ABLIM2: variants seen among roughly 807,000 people sequenced by gnomAD.
The protein encoded by ABLIM2 is actin binding LIM protein family member 2.
Under a neutral mutation model 97.7 loss-of-function variants are expected in ABLIM2, and 53 were observed. That is an observed-to-expected ratio of 0.54 (90% CI 0.44 to 0.68). The LOEUF is 0.68. ABLIM2 is among the 30% of genes least tolerant of loss of function. The probability of loss-of-function intolerance (pLI) is 0.00; values close to 1 mark genes in which losing one functional copy is unlikely to be tolerated. For synonymous variants in ABLIM2, 361 were observed against 345.8 expected (o/e 1.04, Z -0.49); for missense variants, 835 against 867.2 (o/e 0.96, Z 0.47).
intron 14 of ABLIM2, among the ~76,000 whole-genome samples, chr4:8,012,124 C>T (rs997701659): frequency 5.3e-5 from 8 of 150,784 alleles, no homozygotes; most frequent in African/African-American, 2.0e-4. Context: ...CCATCCTTCA[C>T]CCATCCATCC....
chr4:7,990,982 T>C (rs190405618), intron 17 of ABLIM2, among the ~76,000 whole-genome samples: 217 of 152,354 alleles, frequency 1.4e-3, no homozygotes, highest in Non-Finnish European at 1.9e-3. Flanking sequence ...GTTCTGCGCA[T>C]ATCAGCTCTC....
At chr4:7,993,716 T>A (rs1750796770) in intron 16 of ABLIM2, among the ~76,000 whole-genome samples, 1 of 152,074 alleles carries the variant, frequency 6.6e-6, no homozygotes, top group Admixed American at 6.6e-5. Context: ...TGCTTGCAAT[T>A]GGGGGGCTTC....
At chr4:8,090,940 G>T (rs1038360451) in intron 3 of ABLIM2, among the ~76,000 whole-genome samples, 4 of 152,124 alleles carry the variant, frequency 2.6e-5, no homozygotes, top group Non-Finnish European at 4.4e-5. Context: ...TGTTAAGCAC[G>T]GTTGCCAACC....
rs553373756 is a variant in ABLIM2 at position 8,061,708 on chromosome 4, C to T, written c.676-654G>A. 2.0e-5 allele frequency among the ~76,000 whole-genome samples: 3 copies of T among 151,806 alleles called. No individual in the cohort carries two copies. The highest frequency in any genetic ancestry group is 1.3e-4 in the Admixed American group (2 of 15,272). On this transcript the variant is annotated intron_variant, in intron 6 of 20. Coordinates refer to ENST00000447017, the MANE Select transcript of ABLIM2 (RefSeq NM_001130083.2). The surrounding 1 kb of genome is among the most constrained non-coding windows in gnomAD (Gnocchi z 4.5). ...CCCTTTACCCCCACGTTCCAGCACA[C>T]ACTTCCTACCCTGAGGGCACGGCGG...
At chr4:8,117,022 A>C (rs1184737206) in intron 1 of ABLIM2, among the ~76,000 whole-genome samples, 1 of 152,268 alleles carries the variant, frequency 6.6e-6, no homozygotes, top group African/African-American at 2.4e-5. Context: ...CCATCTCTGC[A>C]CAGCCTGGCT....
At chr4:8,036,352 A>G (rs1784453152) in intron 9 of ABLIM2, 57 bp from the exon 10 acceptor site, 6 of 1,587,696 alleles carry the variant, frequency 3.8e-6, no homozygotes, top group Middle Eastern at 1.7e-4. Flanking sequence ...CCCAGAGGGC[A>G]GCACCCCCAA....
chr4:8,137,986 TAA>T (rs953027572), intron 1 of ABLIM2, among the ~76,000 whole-genome samples: 2 of 152,128 alleles, frequency 1.3e-5, no homozygotes, highest in Non-Finnish European at 2.9e-5. Flanking sequence ...TATTCAGCCT[TAA>T]AAAGGAGAGG....
intron 1 of ABLIM2, among the ~76,000 whole-genome samples, chr4:8,143,221 C>T (rs1452104974): frequency 5.3e-5 from 8 of 151,608 alleles, no homozygotes; most frequent in Non-Finnish European, 8.8e-5. Context: ...CACAGCGTCC[C>T]AGGCTGAGGC....
intron 4 of ABLIM2, among the ~76,000 whole-genome samples, chr4:8,084,338 G>A (rs913984717): frequency 1.3e-5 from 2 of 152,136 alleles, no homozygotes; most frequent in African/African-American, 4.8e-5. Flanking sequence ...GGGTTCTCCT[G>A]TTTCCTAGGC....
In ABLIM2 at chr4:8,002,011, G is replaced by A. The variant is rs1200960511; in HGVS notation, c.1618+6048C>T. Among the ~76,000 whole-genome samples the A allele has an allele frequency of 6.6e-6, 1 of 152,206 alleles. No individual in the cohort carries two copies. On this transcript the variant is annotated intron_variant, in intron 16 of 20. Transcript: ENST00000447017. The surrounding 1 kb of genome is among the most constrained non-coding windows in gnomAD (Gnocchi z 6.1). ...GGAGGACACTGACAAAGAGTAGGCT[G>A]GGGGCCAGGCAGGAGATCACACCTG...
chr4:8,128,162 C>T lies in ABLIM2; in HGVS notation c.11-21525G>A, dbSNP rs1011466930. Among the ~76,000 whole-genome samples the T allele has an allele frequency of 4.6e-5, 7 of 152,278 alleles. No individual in the cohort carries two copies. The highest frequency in any genetic ancestry group is 6.5e-5 in the Admixed American group (1 of 15,302). ...GGCTTCAGGGCTCCTGTTTCTGCCC[C>T]CACCTTCACAGGCCGTCTTCCCTGT... is the stretch of plus-strand genomic sequence containing the variant. On this transcript the variant is annotated intron_variant, in intron 1 of 20. Coordinates refer to ENST00000447017, the MANE Select transcript of ABLIM2 (RefSeq NM_001130083.2). This position sits in a 1 kb window ranked among gnomAD's most constrained non-coding sequence, Gnocchi z 4.9.
chr4:8,133,302 T>G (rs1274475260), intron 1 of ABLIM2, among the ~76,000 whole-genome samples: 1 of 152,208 alleles, frequency 6.6e-6, no homozygotes, highest in Non-Finnish European at 1.5e-5. Context: ...GGGAATGCAA[T>G]TCAACCCACA....
Position 8,083,057 on chromosome 4 carries a change from G to A in ABLIM2, c.455-2255C>T, listed in dbSNP as rs1449098252. Among the ~76,000 whole-genome samples, 1 of 152,192 alleles carries A rather than the reference G, an allele frequency of 6.6e-6. No individual in the cohort carries two copies. Among genetic ancestry groups the A allele is most frequent in the Non-Finnish European group, 1.5e-5 (1 of 68,036 alleles). ...AGGCATCTAGTGGGCAGTGGACACA[G>A]GATGCTAACCGTGCCAGGACAGCCG... On this transcript the variant is annotated intron_variant, in intron 4 of 20. Coordinates refer to ENST00000447017, the MANE Select transcript of ABLIM2 (RefSeq NM_001130083.2). This position sits in a 1 kb window ranked among gnomAD's most constrained non-coding sequence, Gnocchi z 4.6.
At chr4:8,138,968 G>T (rs190079537) in intron 1 of ABLIM2, among the ~76,000 whole-genome samples, 52 of 152,216 alleles carry the variant, frequency 3.4e-4, no homozygotes, top group Non-Finnish European at 6.0e-4. Flanking sequence ...AGGCCTAGGT[G>T]GGTGGATCAC....
chr4:8,154,266 A>C (rs375317594), intron 1 of ABLIM2, among the ~76,000 whole-genome samples: 50 of 126,516 alleles, frequency 4.0e-4, no homozygotes, highest in Middle Eastern at 5.0e-3. Context: ...CCAGCCACTT[A>C]TTTTCTTTTC....
intron 2 of ABLIM2, among the ~76,000 whole-genome samples, chr4:8,105,789 C>T (rs1837071226): frequency 6.6e-6 from 1 of 152,238 alleles, no homozygotes; most frequent in Non-Finnish European, 1.5e-5. Flanking sequence ...ATTTGCACAT[C>T]CCTTCCTCCA....
At position 8,090,914 on chromosome 4, in the gene ABLIM2, CTG is replaced by C. The variant is rs547621873; in HGVS notation, c.339-2632_339-2631del. ...CTTCTGGGCTGTTTCCAGTTTGGGA[CTG>C]TTACAAATAAAGCTGTTAAGCACGG... On this transcript the variant is annotated intron_variant, in intron 3 of 20. Transcript: ENST00000447017. Among the ~76,000 whole-genome samples, 10 of 152,184 alleles carry C rather than the reference CTG, an allele frequency of 6.6e-5. No homozygotes were observed. The South Asian group carries it at 2.1e-3, about 32-fold the overall frequency.
chr4:7,990,902 G>C (rs1748180048), intron 17 of ABLIM2, among the ~76,000 whole-genome samples: 4 of 152,188 alleles, frequency 2.6e-5, no homozygotes, highest in Admixed American at 2.6e-4. Context: ...CCAAAGCAAA[G>C]TCATTAATAA....
In ABLIM2 at chr4:8,053,752, T is replaced by G. The variant is rs552968138; in HGVS notation, c.822+436A>C. The stretch of plus-strand genomic sequence containing the variant: ...ACTGTTCATGAGGGCTCTGCCTTCC[T>G]GAATGGACTGATGCCATTACTGTGG... On this transcript the variant is annotated intron_variant, in intron 8 of 20. Transcript: ENST00000447017. Among the ~76,000 whole-genome samples the G allele has an allele frequency of 1.1e-4, 16 of 152,280 alleles. 1 individual carries two copies. The highest frequency in any genetic ancestry group is 3.9e-4 in the African/African-American group (16 of 41,552).
Sources: allele counts gnomAD v4.1 joint callset (sites outside exome capture counted in the v4.1 genomes callset), GRCh38; gene constraint gnomAD v4.1.1; non-coding constraint Gnocchi (gnomAD v3.1); transcripts MANE v1.5; gene names NCBI Gene and HGNC (gene_info 2026-07-23, HGNC 2026-07-21).